Variants in RBFOX1 observed in about 807,000 individuals in gnomAD.
The protein encoded by RBFOX1 is RNA binding fox-1 homolog 1.
RBFOX1 carries 8 observed loss-of-function variants against 57.7 expected under a neutral mutation model. The observed-to-expected ratio is 0.14, with a 90% CI of 0.08 to 0.25. The LOEUF (loss-of-function observed/expected upper bound fraction) is 0.25. Ranked by LOEUF, RBFOX1 falls within the 10% of genes least tolerant of loss-of-function variation. The pLI is 1.00. For missense variants in RBFOX1, 611 were observed against 548.5 expected, an observed-to-expected ratio of 1.11 and a Z score of -1.14; for synonymous variants, 326 against 222.4, an observed-to-expected ratio of 1.47 and a Z score of -4.15.
At chr16:5,997,789 A>G (rs1258031443) in intron 4 of RBFOX1, among the ~76,000 whole-genome samples, 3 of 152,226 alleles carry the variant, frequency 2.0e-5, no homozygotes, top group Non-Finnish European at 1.5e-5. Context: ...ATCAAATCCA[A>G]TAAATGAACC....
intron 3 of RBFOX1, among the ~76,000 whole-genome samples, chr16:6,737,585 T>G (rs1246037470): frequency 6.6e-6 from 1 of 152,200 alleles, no homozygotes; most frequent in Non-Finnish European, 1.5e-5. Context: ...TAGGATGTGT[T>G]TTCTCGCCCG....
rs149397040 is a variant in RBFOX1 at position 6,280,327 on chromosome 16, C to G, written c.-126-36668C>G. 6.5e-4 allele frequency among the ~76,000 whole-genome samples: 99 copies of G among 152,286 alleles called. 1 individual carries two copies. Among genetic ancestry groups the G allele is most frequent in the African/African-American group, 2.4e-3 (98 of 41,554 alleles). Reference sequence around the variant, plus strand: ...TTCTGGGGCTGCCTTTCTGCTGTCTCTGTCTTTGTTTTCCTCTCTCTTCCT... The same window carrying G: ...TTCTGGGGCTGCCTTTCTGCTGTCTGTGTCTTTGTTTTCCTCTCTCTTCCT... On this transcript the variant is annotated intron_variant, in intron 1 of 15. Transcript: ENST00000550418.
At chr16:5,409,588 G>A (rs1374749939) in intron 1 of RBFOX1, among the ~76,000 whole-genome samples, 1 of 152,142 alleles carries the variant, frequency 6.6e-6, no homozygotes, top group Non-Finnish European at 1.5e-5. Flanking sequence ...GCACATATGT[G>A]CCAGGCATGT....
In RBFOX1 at chr16:5,332,310, C is replaced by T. The variant is rs146139725; in HGVS notation, c.219+92205C>T. Among the ~76,000 whole-genome samples the T allele has an allele frequency of 2.0e-5, 3 of 152,284 alleles. No homozygotes were observed. In the East Asian group the frequency reaches 5.8e-4, roughly 29 times the overall value. Reference sequence around the variant, plus strand: ...TTTGAGACAGTCTCCCTCTGTCACCCAGGCTGGAGTGCAGTGGTGTGATCT... The same window carrying T: ...TTTGAGACAGTCTCCCTCTGTCACCTAGGCTGGAGTGCAGTGGTGTGATCT... On this transcript the variant is annotated intron_variant, in intron 1 of 2. Transcript: ENST00000585867.
intron 11 of RBFOX1, among the ~76,000 whole-genome samples, chr16:7,633,331 T>G (rs1460505005): frequency 6.6e-6 from 1 of 152,234 alleles, no homozygotes; most frequent in Non-Finnish European, 1.5e-5. Context: ...AATTAACAAT[T>G]ATGAAATTGT....
At chr16:6,451,231 G>A (rs932906966) in intron 2 of RBFOX1, among the ~76,000 whole-genome samples, 5 of 151,914 alleles carry the variant, frequency 3.3e-5, no homozygotes, top group Admixed American at 3.3e-4. Flanking sequence ...ATGTTCTGAG[G>A]TAGCCTAGAA....
chr16:7,005,328 C>A (rs1051625969), intron 3 of RBFOX1, among the ~76,000 whole-genome samples: 1 of 152,068 alleles, frequency 6.6e-6, no homozygotes, highest in Non-Finnish European at 1.5e-5. Flanking sequence ...AGACTGTGTT[C>A]TTGCTTGCTT....
intron 13 of RBFOX1, among the ~76,000 whole-genome samples, chr16:7,666,616 T>C (rs2069378394): frequency 1.3e-5 from 2 of 151,996 alleles, no homozygotes; most frequent in Admixed American, 6.5e-5. Flanking sequence ...CTCCCACAAA[T>C]AAGGAAAAAG....
rs941327776 is a variant in RBFOX1 at position 7,498,826 on chromosome 16, A to G, written c.28-19321A>G. ...TTAAAGCTCTCTGACTAGGATTACA[A>G]TATCTGCTTCACAGAGAGCAAATGA... On this transcript the variant is annotated intron_variant, in intron 4 of 15. Transcript: ENST00000550418. Among the ~76,000 whole-genome samples, 7 of 152,278 alleles carry G rather than the reference A, an allele frequency of 4.6e-5. No homozygotes were observed. In the East Asian group the frequency reaches 5.8e-4, roughly 13 times the overall value.
intron 3 of RBFOX1, among the ~76,000 whole-genome samples, chr16:6,933,665 A>T (rs1382391385): frequency 6.6e-6 from 1 of 152,218 alleles, no homozygotes; most frequent in East Asian, 1.9e-4. Flanking sequence ...GTGAGTCAAG[A>T]TCGTATGACT....
chr16:5,596,284 C>T (rs9922984), intron 2 of RBFOX1, among the ~76,000 whole-genome samples: 26,853 of 152,116 alleles, frequency 0.18, 2,628 homozygotes, highest in Non-Finnish European at 0.21. Context: ...CCTAGATCCT[C>T]TATTCTCTTT....
chr16:6,842,083 C>G (rs1046558195), intron 3 of RBFOX1, among the ~76,000 whole-genome samples: 5 of 151,754 alleles, frequency 3.3e-5, no homozygotes, highest in African/African-American at 7.3e-5. Context: ...GCGGAACTTG[C>G]AGTGAGCGGA....
intron 1 of RBFOX1, among the ~76,000 whole-genome samples, chr16:6,241,469 A>T (rs1394710514): frequency 1.9e-4 from 29 of 152,180 alleles, no homozygotes; most frequent in Admixed American, 1.7e-3. Context: ...GCTAAAAAAA[A>T]ATCAGACATG....
chr16:7,035,910 C>A (rs2044265092), intron 3 of RBFOX1, among the ~76,000 whole-genome samples: 1 of 152,032 alleles, frequency 6.6e-6, no homozygotes, highest in African/African-American at 2.4e-5. Flanking sequence ...ATATACAGAG[C>A]AACAGTCACC....
At chr16:6,039,812 A>G (rs2095416728) in intron 1 of RBFOX1, among the ~76,000 whole-genome samples, 1 of 152,214 alleles carries the variant, frequency 6.6e-6, no homozygotes. Flanking sequence ...GTCTCTCCTG[A>G]TGTTGCAGCT....
intron 4 of RBFOX1, among the ~76,000 whole-genome samples, chr16:7,491,569 G>C (rs58925178): frequency 0.069 from 10,517 of 151,586 alleles, 523 homozygotes; most frequent in East Asian, 0.18. Context: ...TTTTGAATTA[G>C]TTCTGTCTCT....
At chr16:5,869,503 G>GT (rs2057417466) in intron 4 of RBFOX1, among the ~76,000 whole-genome samples, 1 of 152,176 alleles carries the variant, frequency 6.6e-6, no homozygotes, top group Non-Finnish European at 1.5e-5. Context: ...CCAGGTTCAA[G>GT]TGATTCTCCT....
intron 1 of RBFOX1, among the ~76,000 whole-genome samples, chr16:5,429,515 A>G (rs2067665192): frequency 6.6e-6 from 1 of 152,060 alleles, no homozygotes; most frequent in Admixed American, 6.6e-5. Flanking sequence ...GTCCTGGGAG[A>G]GGGACCCAAA....
chr16:5,243,703 T>A (rs1207935615), intron 1 of RBFOX1, among the ~76,000 whole-genome samples: 1 of 152,046 alleles, frequency 6.6e-6, no homozygotes, highest in Non-Finnish European at 1.5e-5. Flanking sequence ...TGTTTGAGGG[T>A]GACAGTGTTG....
Sources: allele counts gnomAD v4.1 joint callset (sites outside exome capture counted in the v4.1 genomes callset), GRCh38; gene constraint gnomAD v4.1.1; transcripts MANE v1.5; gene names NCBI Gene and HGNC (gene_info 2026-07-23, HGNC 2026-07-21).